Variants in AUTS2 observed in about 807,000 individuals in gnomAD.
AUTS2 encodes the protein activator of transcription and developmental regulator AUTS2.
In AUTS2, 17 loss-of-function variants were observed where a neutral mutation model predicts 112.4. The observed-to-expected ratio is 0.15, with a 90% CI of 0.10 to 0.23. The LOEUF (loss-of-function observed/expected upper bound fraction) is 0.23, where lower values mean the gene tolerates loss of function less well. Among genes scored for constraint, AUTS2 ranks in the 10% least tolerant of loss-of-function variants. The pLI is 1.00. For synonymous variants in AUTS2, 751 were observed against 702.7 expected (o/e 1.07, Z -1.09); for missense variants, 1,510 against 1,701.6 (o/e 0.89, Z 1.98).
intron 1 of AUTS2, among the ~76,000 whole-genome samples, chr7:69,655,481 G>C (rs1189514131): frequency 2.0e-5 from 3 of 152,252 alleles, no homozygotes; most frequent in African/African-American, 4.8e-5. Context: ...GGAACGGTTA[G>C]AATTGCAGAT....
In AUTS2 at chr7:70,790,900, G is replaced by T; in HGVS notation, c.3684G>T (p.Gly1228=). 1.3e-6 allele frequency: 2 copies of T among 1,591,908 alleles called. No individual in the cohort carries two copies. Among genetic ancestry groups the T allele is most frequent in the Non-Finnish European group, 8.6e-7 (1 of 1,168,792 alleles). ...SAPPPLISTL[G]GRPVSPRRTT... is the part of the protein sequence containing the mutation. The stretch of plus-strand genomic sequence containing the variant: ...CTCCCCCGCTCATCTCCACGCTGGG[G>T]GGCCGCCCGGTCTCTCCCAGAAGGA... Residue 1228 remains glycine (G), a synonymous_variant, in exon 19 of 19, where the codon GGG becomes GGT. Coordinates refer to ENST00000342771, the MANE Select transcript of AUTS2 (RefSeq NM_015570.4). This position sits in a 1 kb window ranked among gnomAD's most constrained non-coding sequence, Gnocchi z 7.6.
At chr7:70,665,026 T>C (rs1807255667) in intron 5 of AUTS2, among the ~76,000 whole-genome samples, 1 of 152,022 alleles carries the variant, frequency 6.6e-6, no homozygotes, top group Non-Finnish European at 1.5e-5. Context: ...TGAGCTCTGA[T>C]TGCACCACTG....
At chr7:69,682,826 C>T (rs1019870744) in intron 1 of AUTS2, among the ~76,000 whole-genome samples, 15 of 152,148 alleles carry the variant, frequency 9.9e-5, no homozygotes, top group African/African-American at 3.6e-4. Context: ...CTGGTGTGGC[C>T]TGCAGTCCCA....
chr7:70,455,192 G>A (rs928115477), intron 5 of AUTS2, among the ~76,000 whole-genome samples: 2 of 152,218 alleles, frequency 1.3e-5, no homozygotes, highest in Non-Finnish European at 2.9e-5. Context: ...GATGGAGAAT[G>A]TCAGGGGAAT....
At chr7:70,285,439 C>A (rs529782478) in intron 4 of AUTS2, among the ~76,000 whole-genome samples, 17 of 152,250 alleles carry the variant, frequency 1.1e-4, no homozygotes, top group African/African-American at 4.1e-4. Flanking sequence ...TTGGAGTTAG[C>A]CCAGACATAA....
intron 1 of AUTS2, among the ~76,000 whole-genome samples, chr7:69,719,765 CTT>C (rs1447443967): frequency 6.6e-6 from 1 of 152,104 alleles, no homozygotes; most frequent in Admixed American, 6.6e-5. Context: ...GAATTTCCCT[CTT>C]GTGTTGGTTC....
intron 2 of AUTS2, among the ~76,000 whole-genome samples, chr7:70,026,912 G>C (rs137983610): frequency 6.2e-4 from 95 of 152,020 alleles, no homozygotes; most frequent in African/African-American, 2.2e-3. Flanking sequence ...ATGTGCAGAT[G>C]GTTCCTAAGT....
intron 6 of AUTS2, among the ~76,000 whole-genome samples, chr7:70,746,269 C>G (rs1788447787): frequency 6.6e-6 from 1 of 152,134 alleles, no homozygotes; most frequent in African/African-American, 2.4e-5. Flanking sequence ...CCTCAGCCTC[C>G]TGAGTAGCTG....
At chr7:70,167,683 G>T (rs1199725891) in intron 4 of AUTS2, among the ~76,000 whole-genome samples, 1 of 152,170 alleles carries the variant, frequency 6.6e-6, no homozygotes, top group African/African-American at 2.4e-5. Flanking sequence ...TTCAATAAGT[G>T]TAAAAGCATT....
At chr7:69,725,429 C>T (rs1270389902) in intron 1 of AUTS2, among the ~76,000 whole-genome samples, 3 of 151,984 alleles carry the variant, frequency 2.0e-5, no homozygotes, top group Non-Finnish European at 2.9e-5. Flanking sequence ...AGAAGAGGGT[C>T]CATTTGTGGC....
intron 5 of AUTS2, among the ~76,000 whole-genome samples, chr7:70,612,636 C>T (rs1210743003): frequency 6.6e-6 from 1 of 152,100 alleles, no homozygotes; most frequent in African/African-American, 2.4e-5. Context: ...TCTTGTCATA[C>T]AGCATGACCT....
chr7:70,421,079 C>A (rs146423846), intron 4 of AUTS2, among the ~76,000 whole-genome samples: 70 of 152,200 alleles, frequency 4.6e-4, no homozygotes, highest in African/African-American at 1.6e-3. Context: ...TCACCTTCAC[C>A]TTTAGCTAAA....
chr7:70,659,718 T>C (rs1160321669), intron 5 of AUTS2, among the ~76,000 whole-genome samples: 1 of 152,248 alleles, frequency 6.6e-6, no homozygotes, highest in Non-Finnish European at 1.5e-5. Flanking sequence ...CTTTATTTTC[T>C]AGTCATGGAT....
intron 4 of AUTS2, among the ~76,000 whole-genome samples, chr7:70,145,054 T>C (rs1807060032): frequency 6.6e-6 from 1 of 152,142 alleles, no homozygotes; most frequent in African/African-American, 2.4e-5. Flanking sequence ...GTGCTACAAC[T>C]GTCTTTGTGG....
At chr7:70,723,984 C>G (rs1425428618) in intron 6 of AUTS2, among the ~76,000 whole-genome samples, 1 of 151,920 alleles carries the variant, frequency 6.6e-6, no homozygotes, top group African/African-American at 2.4e-5. Context: ...GCTCCACCTC[C>G]CGGTTCAAGC....
intron 5 of AUTS2, among the ~76,000 whole-genome samples, chr7:70,557,918 A>T (rs2129521919): frequency 6.6e-6 from 1 of 152,254 alleles, no homozygotes; most frequent in Admixed American, 6.5e-5. Context: ...GAAATATTTC[A>T]CTAAATCGCC....
chr7:70,668,632 C>T (rs1807471385), intron 5 of AUTS2, among the ~76,000 whole-genome samples: 2 of 152,328 alleles, frequency 1.3e-5, no homozygotes, highest in South Asian at 4.1e-4. Context: ...AAACAGACCT[C>T]CCAGGCTGTC....
At chr7:69,978,859 A>AAACAC (rs1798165736) in intron 2 of AUTS2, among the ~76,000 whole-genome samples, 1 of 129,644 alleles carries the variant, frequency 7.7e-6, no homozygotes, top group Admixed American at 7.9e-5. Flanking sequence ...TCAAAGAAAC[A>AAACAC]ACACACACAC....
chr7:70,704,002 T>C (rs1809603322), intron 6 of AUTS2, among the ~76,000 whole-genome samples: 1 of 152,194 alleles, frequency 6.6e-6, no homozygotes, highest in South Asian at 2.1e-4. Flanking sequence ...GTTATGGAAA[T>C]TGACCTTCCT....
Sources: allele counts gnomAD v4.1 joint callset (sites outside exome capture counted in the v4.1 genomes callset), GRCh38; gene constraint gnomAD v4.1.1; non-coding constraint Gnocchi (gnomAD v3.1); transcripts MANE v1.5; gene names NCBI Gene and HGNC (gene_info 2026-07-23, HGNC 2026-07-21).